Variants in RPS6KA1 observed in about 807,000 individuals in gnomAD.
The protein encoded by RPS6KA1 is ribosomal protein S6 kinase alpha-1.
A neutral mutation model predicts 91.3 loss-of-function variants in RPS6KA1; 48 were observed. That is an observed-to-expected ratio of 0.53 (90% CI 0.42 to 0.67). RPS6KA1 has a LOEUF of 0.67. Ranked by LOEUF, RPS6KA1 falls within the 30% of genes least tolerant of loss-of-function variation. The pLI, the probability that RPS6KA1 is intolerant of heterozygous loss-of-function variation, is 0.00. For synonymous variants in RPS6KA1, 359 were observed against 384.7 expected (o/e 0.93, Z 0.78); for missense variants, 719 against 960.5 (o/e 0.75, Z 3.32).
At position 26,536,918 on chromosome 1, in the gene RPS6KA1, T is replaced by A; in HGVS notation, c.64-7T>A. 4 of 1,614,092 alleles carry A rather than the reference T, an allele frequency of 2.5e-6. No individual in the cohort carries two copies. In the South Asian group the frequency reaches 3.3e-5, roughly 13 times the overall value. On this transcript the variant is annotated splice_region_variant and splice_polypyrimidine_tract_variant and intron_variant, in intron 1 of 21. Coordinates refer to ENST00000374168, the MANE Select transcript of RPS6KA1 (RefSeq NM_002953.4). ...AGTGCTCCCCCAATCTCCTTTCTCT[T>A]TTCCAGAATGGACAGACCTCAGGGG...
chr1:26,538,875 C>T (rs1427725582), intron 2 of RPS6KA1, among the ~76,000 whole-genome samples: 2 of 152,204 alleles, frequency 1.3e-5, no homozygotes, highest in African/African-American at 4.8e-5. Flanking sequence ...GGGCTTAATA[C>T]ACCAGGGGGC....
In RPS6KA1 at chr1:26,555,497, G is replaced by A. The variant is rs769277898; in HGVS notation, c.828-40G>A. ...GGGCCGGGGGAGATGGGGCCTCTGG[G>A]GCAGGGCTCAGCCTTGATGAGTCCC... is the stretch of plus-strand genomic sequence containing the variant. On this transcript the variant is annotated intron_variant, in intron 10 of 21. Transcript: ENST00000374168. This position sits in a 1 kb window ranked among gnomAD's most constrained non-coding sequence, Gnocchi z 4.3. 6.5e-7 allele frequency: 1 copy of A among 1,543,398 alleles called. No homozygotes were observed. The highest frequency in any genetic ancestry group is 1.4e-5 in the African/African-American group (1 of 73,030).
rs1382459610 is a variant in RPS6KA1 at position 26,543,855 on chromosome 1, G to GATAA, written c.109-3011_109-3008dup. Among the ~76,000 whole-genome samples the GATAA allele has an allele frequency of 2.6e-5, 4 of 152,274 alleles. No homozygotes were observed. The South Asian group carries it at 6.2e-4, about 24-fold the overall frequency. ...CTCAGTTTCCTATTCCTGGAATGAG[G>GATAA]ATAACAGTTTTTAGGATATGATCAG... On this transcript the variant is annotated intron_variant, in intron 2 of 21. Coordinates refer to ENST00000374168, the MANE Select transcript of RPS6KA1 (RefSeq NM_002953.4).
chr1:26,567,625 C>T (rs186887504), intron 17 of RPS6KA1, among the ~76,000 whole-genome samples: 2 of 152,224 alleles, frequency 1.3e-5, no homozygotes, highest in African/African-American at 4.8e-5. Context: ...GTGATCTGCC[C>T]GCCTTGGCCT....
intron 6 of RPS6KA1, chr1:26,552,679 G>A (rs1049674988): frequency 9.2e-6 from 2 of 218,006 alleles, no homozygotes; most frequent in Non-Finnish European, 1.9e-5. Context: ...TAGAGACAGG[G>A]TTTCTCCATG....
Position 26,547,276 on chromosome 1 carries a change from TG to T in RPS6KA1, c.307+10del, listed in dbSNP as rs1479404334. On this transcript the variant is annotated splice_region_variant and intron_variant, in intron 4 of 21. Coordinates refer to ENST00000374168, the MANE Select transcript of RPS6KA1 (RefSeq NM_002953.4). The surrounding 1 kb of genome is among the most constrained non-coding windows in gnomAD (Gnocchi z 4.1). Reference sequence around the variant, plus strand: ...GAAGAAGGCAACGCTGAAAGGTGAGTGGGGACACCTCCCTGTGCAGAACCCA... The same window carrying T: ...GAAGAAGGCAACGCTGAAAGGTGAGTGGGACACCTCCCTGTGCAGAACCCA... 7 of 1,610,482 alleles carry T rather than the reference TG, an allele frequency of 4.3e-6. No individual in the cohort carries two copies. The highest frequency in any genetic ancestry group is 5.9e-6 in the Non-Finnish European group (7 of 1,177,672).
In RPS6KA1 at chr1:26,551,578, C is replaced by T. The variant is rs1028738755; in HGVS notation, c.389-66C>T. ...CCGCCTGCCTGGCAGGCCAAGGGAG[C>T]CAGGGCCGGAGAAGCAGATCATAAG... is the stretch of plus-strand genomic sequence containing the variant. On this transcript the variant is annotated intron_variant, in intron 5 of 21. Coordinates refer to ENST00000374168, the MANE Select transcript of RPS6KA1 (RefSeq NM_002953.4). The surrounding 1 kb of genome is among the most constrained non-coding windows in gnomAD (Gnocchi z 4.5). 3.8e-6 allele frequency: 6 copies of T among 1,596,466 alleles called. No individual in the cohort carries two copies. The highest frequency in any genetic ancestry group is 4.3e-6 in the Non-Finnish European group (5 of 1,163,992).
rs2076087915 is a variant in RPS6KA1 at position 26,555,098 on chromosome 1, G to A, written c.757-53G>A. The A allele has an allele frequency of 6.4e-7, 1 of 1,555,180 alleles. No individual in the cohort carries two copies. The highest frequency in any genetic ancestry group is 8.9e-7 in the Non-Finnish European group (1 of 1,127,230). ...GAGGGGTCTGACTGGGAGGAGGCGGGAGGTGTGTCGGAGACAGGGATCAGA... is the reference window on the plus strand; with the variant it reads ...GAGGGGTCTGACTGGGAGGAGGCGGAAGGTGTGTCGGAGACAGGGATCAGA... On this transcript the variant is annotated intron_variant, in intron 9 of 21. Transcript: ENST00000374168. The surrounding 1 kb of genome is among the most constrained non-coding windows in gnomAD (Gnocchi z 4.3).
At chr1:26,543,167 G>T in intron 2 of RPS6KA1, 1 of 1,535,722 alleles carries the variant, frequency 6.5e-7, no homozygotes. Context: ...CCACCATGCA[G>T]ACCCCAGCAG....
At chr1:26,531,997 C>T (rs561233688) in intron 1 of RPS6KA1, among the ~76,000 whole-genome samples, 6 of 152,278 alleles carry the variant, frequency 3.9e-5, no homozygotes, top group East Asian at 1.9e-4. Flanking sequence ...CTGACCTGCA[C>T]GTACAGGCAC....
intron 2 of RPS6KA1, among the ~76,000 whole-genome samples, chr1:26,545,243 C>T (rs1382473313): frequency 6.6e-6 from 1 of 151,038 alleles, no homozygotes; most frequent in Non-Finnish European, 1.5e-5. Context: ...TATCTCGGCT[C>T]ACTGCAAGCT....
rs867512176 is a variant in RPS6KA1, at chr1:26,553,576, G to T, written c.575+79G>T. On this transcript the variant is annotated intron_variant, in intron 7 of 21. Coordinates refer to ENST00000374168, the MANE Select transcript of RPS6KA1 (RefSeq NM_002953.4). ...GACAGGGCCATCCTGAGGTGGGTGG[G>T]CATGGCTTTCTCCAGAAACGTCTCC... 249 of 860,448 alleles carry T rather than the reference G, an allele frequency of 2.9e-4. No homozygotes were observed. The Middle Eastern group carries it at 3.5e-3, about 12-fold the overall frequency. 53.3% of individuals were successfully genotyped at this position (860,448 alleles called of 1,614,324 possible). A position where few individuals can be genotyped will look rare whatever the true frequency, so the allele number is the denominator to read the frequency against.
At chr1:26,544,239 C>G (rs1466286) in intron 2 of RPS6KA1, 160,562 of 455,328 alleles carry the variant, frequency 0.35, 31,974 homozygotes, top group East Asian at 0.77. Context: ...CTGCCTACCT[C>G]TGTCTGTGGT....
At chr1:26,559,508 A>G (rs905571948) in intron 14 of RPS6KA1, among the ~76,000 whole-genome samples, 9 of 151,674 alleles carry the variant, frequency 5.9e-5, no homozygotes, top group South Asian at 4.2e-4. Flanking sequence ...CTGGGACTAC[A>G]GATATACACC....
chr1:26,555,814 G>A lies in RPS6KA1; in HGVS notation c.916+189G>A, dbSNP rs1010814495. 2.0e-5 allele frequency among the ~76,000 whole-genome samples: 3 copies of A among 152,236 alleles called. No homozygotes were observed. Among genetic ancestry groups the A allele is most frequent in the Non-Finnish European group, 4.4e-5 (3 of 68,006 alleles). On this transcript the variant is annotated intron_variant, in intron 11 of 21. Coordinates refer to ENST00000374168, the MANE Select transcript of RPS6KA1 (RefSeq NM_002953.4). The surrounding 1 kb of genome is among the most constrained non-coding windows in gnomAD (Gnocchi z 4.3). ...GGAGGGGGGAGTTGACCTGTGTGTA[G>A]GGGGAAGGCAGGAACTGAGTCATCC...
chr1:26,545,922 C>T (rs2075990755), intron 2 of RPS6KA1: 8 of 1,586,676 alleles, frequency 5.0e-6, no homozygotes, highest in African/African-American at 1.3e-5. Context: ...TCCCAAGCCG[C>T]CCCGTCTGCG....
At chr1:26,559,965 G>A (rs915419895) in intron 14 of RPS6KA1, among the ~76,000 whole-genome samples, 15 of 152,182 alleles carry the variant, frequency 9.9e-5, no homozygotes, top group Admixed American at 9.8e-4. Flanking sequence ...GTTGGCGCGT[G>A]CCTATAGTCC....
rs1338580752 is a variant in RPS6KA1 at position 26,558,331 on chromosome 1, T to C, written c.1085-476T>C. Reference sequence around the variant, plus strand: ...CTCTAAGGATCTGAGAAGTCCAACATGGCTCAGCTGTGGTATGGAGAGAGA... The same window carrying C: ...CTCTAAGGATCTGAGAAGTCCAACACGGCTCAGCTGTGGTATGGAGAGAGA... On this transcript the variant is annotated intron_variant, in intron 13 of 21. Coordinates refer to ENST00000374168, the MANE Select transcript of RPS6KA1 (RefSeq NM_002953.4). This position sits in a 1 kb window ranked among gnomAD's most constrained non-coding sequence, Gnocchi z 4.0. Among the ~76,000 whole-genome samples the C allele has an allele frequency of 6.6e-6, 1 of 152,150 alleles. No individual in the cohort carries two copies. The highest frequency in any genetic ancestry group is 2.4e-5 in the African/African-American group (1 of 41,426).
chr1:26,545,804 C>T (rs1012552051), intron 2 of RPS6KA1: 73 of 1,405,898 alleles, frequency 5.2e-5, no homozygotes, highest in Non-Finnish European at 6.3e-5. Context: ...GCCCAGCCCC[C>T]GCCCTTACCC....
Sources: gnomAD v4.1 joint callset for allele counts (sites outside exome capture counted in the v4.1 genomes callset) on GRCh38, gnomAD v4.1.1 for gene constraint, Gnocchi (gnomAD v3.1) non-coding constraint, MANE v1.5 for transcripts, NCBI Gene and HGNC (gene_info 2026-07-23, HGNC 2026-07-21) for gene names.